Variants in DNM3 observed in about 807,000 individuals in gnomAD.
DNM3 encodes dynamin-3.
A neutral mutation model predicts 101.6 loss-of-function variants in DNM3; 47 were observed. That is an observed-to-expected ratio of 0.46 (90% CI 0.37 to 0.59). The LOEUF (loss-of-function observed/expected upper bound fraction) is 0.59, where lower values mean the gene tolerates loss of function less well. Among genes scored for constraint, DNM3 ranks in the 20% least tolerant of loss-of-function variants. The pLI, the probability that DNM3 is intolerant of heterozygous loss-of-function variation, is 0.00. For synonymous variants in DNM3, 385 were observed against 387.9 expected (o/e 0.99, Z 0.09); for missense variants, 849 against 1,085.7 (o/e 0.78, Z 3.06).
intron 14 of DNM3, among the ~76,000 whole-genome samples, chr1:172,217,458 G>C (rs2060745052): frequency 6.6e-6 from 1 of 152,164 alleles, no homozygotes; most frequent in Non-Finnish European, 1.5e-5. Context: ...GTAGCGGTAA[G>C]TGAAGATTCA....
At chr1:171,920,696 A>G (rs1167138764) in intron 1 of DNM3, among the ~76,000 whole-genome samples, 2 of 152,240 alleles carry the variant, frequency 1.3e-5, no homozygotes, top group African/African-American at 2.4e-5. Context: ...AGAATCAGCA[A>G]TAATTTATGT....
At chr1:172,192,033 T>G (rs1187863557) in intron 14 of DNM3, among the ~76,000 whole-genome samples, 1 of 152,190 alleles carries the variant, frequency 6.6e-6, no homozygotes, top group Non-Finnish European at 1.5e-5. Context: ...AACACTATCT[T>G]GAATACGAGT....
chr1:171,978,641 T>C (rs957619875), intron 2 of DNM3, among the ~76,000 whole-genome samples: 1 of 152,168 alleles, frequency 6.6e-6, no homozygotes, highest in Non-Finnish European at 1.5e-5. Context: ...AGAAGCATGA[T>C]GTGATGTATG....
Position 172,409,320 on chromosome 1 carries a change from A to C in DNM3, c.*1479A>C. ...GCAAACATGATTTGTATGTTAACTT[A>C]ACTTTAATTTCCTGTGTAGTTTACA... On this transcript the variant is annotated 3_prime_UTR_variant, in exon 21 of 21. Transcript: ENST00000627582. 1 of 985,324 alleles carries C rather than the reference A, an allele frequency of 1.0e-6. No homozygotes were observed. The highest frequency in any genetic ancestry group is 1.2e-6 in the Non-Finnish European group (1 of 829,820). 61.0% of individuals were successfully genotyped at this position (985,324 alleles called of 1,614,324 possible).
At chr1:172,278,661 C>A (rs943664042) in intron 15 of DNM3, among the ~76,000 whole-genome samples, 1 of 152,100 alleles carries the variant, frequency 6.6e-6, no homozygotes, top group African/African-American at 2.4e-5. Context: ...CCTGCTGTGT[C>A]CTGCCTTCAG....
chr1:172,245,824 T>G (rs890079094), intron 14 of DNM3, among the ~76,000 whole-genome samples: 3 of 152,082 alleles, frequency 2.0e-5, no homozygotes, highest in African/African-American at 4.8e-5. Context: ...ATCTGGAAAT[T>G]TAGGCCTGTG....
rs1186327585 is a variant in DNM3, at chr1:172,023,872, C to CT, written c.590-8520dup. Among the ~76,000 whole-genome samples the CT allele has an allele frequency of 1.5e-4, 20 of 137,786 alleles. No homozygotes were observed. The East Asian group carries it at 2.2e-3, about 15-fold the overall frequency. The allele number at this position is 137,786 out of a possible 152,430, so 90.4% of individuals were successfully genotyped here. On this transcript the variant is annotated intron_variant, in intron 4 of 20. Transcript: ENST00000627582. Reference sequence around the variant, plus strand: ...TTTTTTTTTTTTTCCTTGTTTACTTCTTTTTTTTTTCTTTCATTTTCTGGA... The same window carrying CT: ...TTTTTTTTTTTTTCCTTGTTTACTTCTTTTTTTTTTTCTTTCATTTTCTGGA...
chr1:172,307,917 T>C (rs1376517775), intron 15 of DNM3, among the ~76,000 whole-genome samples: 2 of 152,008 alleles, frequency 1.3e-5, no homozygotes, highest in Non-Finnish European at 2.9e-5. Flanking sequence ...AAATACCTAA[T>C]GTAAATGATG....
chr1:172,010,005 C>T (rs2047004931), intron 4 of DNM3, among the ~76,000 whole-genome samples: 3 of 151,706 alleles, frequency 2.0e-5, no homozygotes, highest in South Asian at 4.2e-4. Flanking sequence ...TGCTTAGGTG[C>T]TTTTTAAAAA....
At chr1:172,130,443 T>G (rs1572640129) in intron 13 of DNM3, among the ~76,000 whole-genome samples, 1 of 146,966 alleles carries the variant, frequency 6.8e-6, no homozygotes, top group East Asian at 1.9e-4. Flanking sequence ...TAATTTCTGT[T>G]AAATCTATAA....
rs1163919418 is a variant in DNM3 at position 172,407,840 on chromosome 1, AAACG to A, written c.*2_*5del. 1 of 1,613,134 alleles carries A rather than the reference AAACG, an allele frequency of 6.2e-7. No homozygotes were observed. Among genetic ancestry groups the A allele is most frequent in the East Asian group, 2.2e-5 (1 of 44,868 alleles). On this transcript the variant is annotated stop_retained_variant and 3_prime_UTR_variant, in exon 21 of 21. Coordinates refer to ENST00000627582, the MANE Select transcript of DNM3 (RefSeq NM_015569.5). Reference sequence around the variant, plus strand: ...CCACTAGAATCCTCCCTGTTAGACTAAACGAAGTGTCTGGCATGGCAATTAATCA... The same window carrying A: ...CCACTAGAATCCTCCCTGTTAGACTAAAGTGTCTGGCATGGCAATTAATCA...
chr1:172,093,867 T>C (rs1260840055), intron 13 of DNM3: 41 of 687,988 alleles, frequency 6.0e-5, no homozygotes, highest in Admixed American at 3.0e-4. Context: ...TAACACCCTA[T>C]CATTGAAATA....
intron 10 of DNM3, among the ~76,000 whole-genome samples, chr1:172,055,126 G>A (rs1009370540): frequency 6.6e-6 from 1 of 152,030 alleles, no homozygotes; most frequent in African/African-American, 2.4e-5. Flanking sequence ...TGGCTTACAA[G>A]GCCCTAGACA....
intron 17 of DNM3, among the ~76,000 whole-genome samples, chr1:172,369,610 T>G (rs2068214886): frequency 6.6e-6 from 1 of 152,086 alleles, no homozygotes; most frequent in Admixed American, 6.6e-5. Flanking sequence ...TACTGGAAGT[T>G]CTAGCCAGTA....
intron 15 of DNM3, among the ~76,000 whole-genome samples, chr1:172,307,378 A>T (rs548692622): frequency 5.8e-4 from 89 of 152,314 alleles, no homozygotes; most frequent in Admixed American, 1.4e-3. Context: ...GAAACAACAG[A>T]TGCTGGAGAG....
At chr1:172,233,929 A>G (rs1350122122) in intron 14 of DNM3, among the ~76,000 whole-genome samples, 3 of 152,214 alleles carry the variant, frequency 2.0e-5, no homozygotes, top group Non-Finnish European at 2.9e-5. Context: ...CCCACAGTCA[A>G]TATCATACTG....
At chr1:172,323,017 C>T (rs974844250) in intron 16 of DNM3, among the ~76,000 whole-genome samples, 1 of 152,116 alleles carries the variant, frequency 6.6e-6, no homozygotes, top group Non-Finnish European at 1.5e-5. Flanking sequence ...TTTCTGGCCA[C>T]GTTCCCATAC....
At chr1:172,402,935 G>C (rs1573764165) in intron 20 of DNM3, among the ~76,000 whole-genome samples, 1 of 151,958 alleles carries the variant, frequency 6.6e-6, no homozygotes, top group East Asian at 1.9e-4. Flanking sequence ...TTTTTTTACT[G>C]AACAGTGGTT....
In DNM3 at chr1:172,411,728, A is replaced by C; in HGVS notation, c.*3887A>C. ...AGGAATCTCCTCAGAATGAAGAATA[A>C]AGCCTACTAGGTCTCTAACTGTTGA... On this transcript the variant is annotated 3_prime_UTR_variant, in exon 21 of 21. Coordinates refer to ENST00000627582, the MANE Select transcript of DNM3 (RefSeq NM_015569.5). 2.0e-6 allele frequency: 2 copies of C among 985,304 alleles called. No homozygotes were observed. Among genetic ancestry groups the C allele is most frequent in the Non-Finnish European group, 2.4e-6 (2 of 829,798 alleles). 61.0% of individuals were successfully genotyped at this position (985,304 alleles called of 1,614,324 possible).
Sources: allele counts gnomAD v4.1 joint callset (sites outside exome capture counted in the v4.1 genomes callset), GRCh38; gene constraint gnomAD v4.1.1; transcripts MANE v1.5; gene names NCBI Gene and HGNC (gene_info 2026-07-23, HGNC 2026-07-21).